MGAT4C: variants seen among roughly 807,000 people sequenced by gnomAD.
The protein encoded by MGAT4C is alpha-1,3-mannosyl-glycoprotein 4-beta-N-acetylglucosaminyltransferase C.
MGAT4C carries 19 observed loss-of-function variants against 40.1 expected under a neutral mutation model. The ratio of observed to expected loss-of-function variants is 0.47; its 90% confidence interval spans 0.33 to 0.70. The LOEUF is 0.70. MGAT4C is among the 30% of genes least tolerant of loss of function. MGAT4C has a pLI of 0.02. For synonymous variants in MGAT4C, 181 were observed against 187.1 expected (o/e 0.97, Z 0.27); for missense variants, 491 against 563.2 (o/e 0.87, Z 1.30).
At chr12:86,470,987 G>A (rs1006638864) in intron 2 of MGAT4C, among the ~76,000 whole-genome samples, 1 of 151,928 alleles carries the variant, frequency 6.6e-6, no homozygotes, top group Non-Finnish European at 1.5e-5. Flanking sequence ...AGTACTAAAG[G>A]AGAGCCACAA....
intron 2 of MGAT4C, among the ~76,000 whole-genome samples, chr12:86,012,981 AT>A (rs980044945): frequency 1.4e-5 from 2 of 146,764 alleles, no homozygotes; most frequent in African/African-American, 5.0e-5. Flanking sequence ...AAAAAAAAAA[AT>A]TAGCCACGGT....
At chr12:86,180,207 A>C (rs1482934664) in intron 1 of MGAT4C, among the ~76,000 whole-genome samples, 1 of 152,254 alleles carries the variant, frequency 6.6e-6, no homozygotes, top group Non-Finnish European at 1.5e-5. Context: ...GGGTACACAG[A>C]AGTCAAGAAT....
intron 2 of MGAT4C, among the ~76,000 whole-genome samples, chr12:86,591,265 A>C (rs1467311785): frequency 6.6e-6 from 1 of 152,028 alleles, no homozygotes; most frequent in Non-Finnish European, 1.5e-5. Context: ...CTTGATCAGC[A>C]TACATCCAGT....
At chr12:86,765,666 T>A (rs954438552) in intron 1 of MGAT4C, among the ~76,000 whole-genome samples, 9 of 152,130 alleles carry the variant, frequency 5.9e-5, no homozygotes, top group African/African-American at 2.2e-4. Context: ...ACAGCGGATC[T>A]CTCGGCAGAA....
At chr12:86,059,262 G>T (rs1448066489) in intron 1 of MGAT4C, among the ~76,000 whole-genome samples, 1 of 152,104 alleles carries the variant, frequency 6.6e-6, no homozygotes, top group Non-Finnish European at 1.5e-5. Flanking sequence ...GGCCAGTCTT[G>T]AATTCCTGAC....
chr12:86,131,812 T>C (rs1466076686), intron 1 of MGAT4C, among the ~76,000 whole-genome samples: 1 of 152,082 alleles, frequency 6.6e-6, no homozygotes, highest in African/African-American at 2.4e-5. Flanking sequence ...AATAAGCTGC[T>C]TAGGCTGTAT....
intron 2 of MGAT4C, among the ~76,000 whole-genome samples, chr12:86,510,753 T>C (rs377115379): frequency 1.3e-5 from 2 of 152,078 alleles, no homozygotes; most frequent in Non-Finnish European, 2.9e-5. Flanking sequence ...AAGGCCATTA[T>C]ATAATGGTAA....
intron 1 of MGAT4C, among the ~76,000 whole-genome samples, chr12:86,098,730 T>C (rs981686004): frequency 6.6e-6 from 1 of 151,634 alleles, no homozygotes; most frequent in Non-Finnish European, 1.5e-5. Context: ...TGCACATACA[T>C]AAAATATTTT....
chr12:86,605,677 G>A (rs2136467060), intron 2 of MGAT4C, among the ~76,000 whole-genome samples: 1 of 152,210 alleles, frequency 6.6e-6, no homozygotes, highest in African/African-American at 2.4e-5. Context: ...GAGTACTTCT[G>A]GAAGCTCTGA....
intron 1 of MGAT4C, among the ~76,000 whole-genome samples, chr12:86,092,656 G>A (rs771405701): frequency 7.9e-5 from 12 of 152,018 alleles, no homozygotes; most frequent in Non-Finnish European, 1.3e-4. Flanking sequence ...CCAAGAGGAC[G>A]CTGGATCTTA....
intron 2 of MGAT4C, among the ~76,000 whole-genome samples, chr12:86,607,068 A>C (rs1015557126): frequency 6.6e-6 from 1 of 152,054 alleles, no homozygotes; most frequent in Non-Finnish European, 1.5e-5. Context: ...AAATATGCTA[A>C]ATTTTTCCAT....
chr12:86,224,600 A>G (rs1392806639), intron 1 of MGAT4C, among the ~76,000 whole-genome samples: 2 of 152,212 alleles, frequency 1.3e-5, no homozygotes, highest in Non-Finnish European at 2.9e-5. Context: ...TAAGTCAAAT[A>G]CCTTCTCAGA....
chr12:86,732,809 TTTTG>T (rs372552353), intron 1 of MGAT4C, among the ~76,000 whole-genome samples: 169 of 151,398 alleles, frequency 1.1e-3, no homozygotes, highest in African/African-American at 3.9e-3. Flanking sequence ...AGCATTTATG[TTTTG>T]TTTGTTTTCT....
At chr12:86,794,136 A>G (rs1032229038) in intron 1 of MGAT4C, among the ~76,000 whole-genome samples, 7 of 151,836 alleles carry the variant, frequency 4.6e-5, no homozygotes, top group Non-Finnish European at 8.9e-5. Flanking sequence ...TACATCACCA[A>G]TGATTTATTT....
At chr12:86,191,238 T>C (rs1345100202) in intron 1 of MGAT4C, among the ~76,000 whole-genome samples, 1 of 151,962 alleles carries the variant, frequency 6.6e-6, no homozygotes, top group Non-Finnish European at 1.5e-5. Flanking sequence ...TCTGAATTGA[T>C]TCTGGGATTT....
chr12:86,269,204 T>C (rs964919033), intron 4 of MGAT4C, among the ~76,000 whole-genome samples: 1 of 151,024 alleles, frequency 6.6e-6, no homozygotes, highest in Non-Finnish European at 1.5e-5. Context: ...GTTATAATTA[T>C]ATCTATTTGG....
chr12:86,634,216 C>A (rs1359074634), intron 2 of MGAT4C, among the ~76,000 whole-genome samples: 1 of 152,094 alleles, frequency 6.6e-6, no homozygotes, highest in Non-Finnish European at 1.5e-5. Flanking sequence ...TACTTGAAAT[C>A]ATGACTGCAG....
intron 1 of MGAT4C, among the ~76,000 whole-genome samples, chr12:86,074,588 C>G (rs1033789063): frequency 2.6e-5 from 4 of 152,016 alleles, no homozygotes; most frequent in Admixed American, 1.3e-4. Flanking sequence ...GGTGGTTTTT[C>G]TTAATTCTTT....
intron 2 of MGAT4C, among the ~76,000 whole-genome samples, chr12:86,649,307 A>T (rs1216166904): frequency 6.6e-6 from 1 of 151,798 alleles, no homozygotes; most frequent in Admixed American, 6.6e-5. Context: ...CTTTTCATTC[A>T]GTAGGCTATA....
Sources: allele counts gnomAD v4.1 joint callset (sites outside exome capture counted in the v4.1 genomes callset), GRCh38; gene constraint gnomAD v4.1.1; transcripts MANE v1.5; gene names NCBI Gene and HGNC (gene_info 2026-07-23, HGNC 2026-07-21).